The following LRRC74A variants were observed in gnomAD, a reference collection of about 807,000 sequenced individuals.
LRRC74A encodes the protein leucine-rich repeat-containing protein 74A.
Under a neutral mutation model 57.9 loss-of-function variants are expected in LRRC74A, and 44 were observed. The observed-to-expected ratio is 0.76, with a 90% CI of 0.60 to 0.98. The LOEUF (loss-of-function observed/expected upper bound fraction) is 0.98, where lower values mean the gene tolerates loss of function less well. Among genes scored for constraint, LRRC74A ranks in the 50% least tolerant of loss-of-function variants. LRRC74A has a pLI of 0.00. For synonymous variants in LRRC74A, 211 were observed against 219.4 expected (o/e 0.96, Z 0.34); for missense variants, 572 against 574.0 (o/e 1.00, Z 0.04).
chr14:76,841,559 G>GA (rs530102595), intron 5 of LRRC74A, among the ~76,000 whole-genome samples: 41 of 151,260 alleles, frequency 2.7e-4, no homozygotes, highest in South Asian at 8.3e-4. Context: ...AGAAAAAAAA[G>GA]AAAAAAAACA....
At chr14:76,856,444 G>C (rs1238404129) in intron 9 of LRRC74A, among the ~76,000 whole-genome samples, 1 of 152,258 alleles carries the variant, frequency 6.6e-6, no homozygotes, top group South Asian at 2.1e-4. Flanking sequence ...ATGTCTGCCT[G>C]TGTGTCCCTC....
chr14:76,865,607 G>T (rs762586307), intron 11 of LRRC74A, among the ~76,000 whole-genome samples: 2 of 152,228 alleles, frequency 1.3e-5, no homozygotes, highest in Non-Finnish European at 2.9e-5. Context: ...TGCGTTTGTA[G>T]ATAATGATCA....
intron 3 of LRRC74A, among the ~76,000 whole-genome samples, chr14:76,833,615 G>A (rs769530756): frequency 4.6e-4 from 70 of 151,440 alleles, no homozygotes; most frequent in Non-Finnish European, 9.3e-4. Context: ...CTAATTTTTC[G>A]TATTTTTAGT....
At chr14:76,847,913 C>T (rs1337937993) in intron 7 of LRRC74A, among the ~76,000 whole-genome samples, 3 of 152,062 alleles carry the variant, frequency 2.0e-5, no homozygotes, top group African/African-American at 7.2e-5. Context: ...GTGTCTCACA[C>T]CTGTAATCCC....
Position 76,853,391 on chromosome 14 carries a change from A to T in LRRC74A, c.938A>T (p.Glu313Val). Residue 313 changes from glutamate to valine, a missense_variant, in exon 9 of 14, where the codon GAA becomes GTA. Glu to Val is a moderately radical substitution (Grantham distance 121). Coordinates refer to ENST00000689127, the MANE Select transcript of LRRC74A (RefSeq NM_001385106.1). ...SKISKGLESN[E>V]SLRVLKLFLN... ...ATCAGCAAAGGACTGGAATCCAATGAAAGCCTCAGAGTTCTGAAGGTAGTC... is the reference window on the plus strand; with the variant it reads ...ATCAGCAAAGGACTGGAATCCAATGTAAGCCTCAGAGTTCTGAAGGTAGTC... 1.2e-6 allele frequency: 2 copies of T among 1,609,614 alleles called. No individual in the cohort carries two copies. Among genetic ancestry groups the T allele is most frequent in the Non-Finnish European group, 1.7e-6 (2 of 1,178,316 alleles).
chr14:76,827,744 T>C (rs1420485123), intron 1 of LRRC74A, among the ~76,000 whole-genome samples: 1 of 152,206 alleles, frequency 6.6e-6, no homozygotes, highest in Non-Finnish European at 1.5e-5. Flanking sequence ...AATGTTAGAT[T>C]GGAAGGAAGA....
At chr14:76,858,533 C>A (rs1284115398) in intron 10 of LRRC74A, among the ~76,000 whole-genome samples, 1 of 152,156 alleles carries the variant, frequency 6.6e-6, no homozygotes, top group Admixed American at 6.5e-5. Context: ...AGAACTCCAA[C>A]ATCTTTTTTT....
chr14:76,828,487 G>A, intron 2 of LRRC74A, 68 bp downstream of exon 2: 1 of 1,606,068 alleles, frequency 6.2e-7, no homozygotes, highest in Non-Finnish European at 8.5e-7. Context: ...CTGGTTTCCA[G>A]GAGCTGTCAT....
chr14:76,867,255 G>A (rs1434480179), intron 12 of LRRC74A, 101 bp from the exon 13 acceptor site: 10 of 406,124 alleles, frequency 2.5e-5, no homozygotes, highest in East Asian at 1.5e-4. Flanking sequence ...TGTTGGGGGG[G>A]TGGGGTGTGT....
intron 10 of LRRC74A, among the ~76,000 whole-genome samples, chr14:76,858,576 C>T (rs1402014957): frequency 6.6e-6 from 1 of 152,066 alleles, no homozygotes; most frequent in African/African-American, 2.4e-5. Flanking sequence ...ATAACAAGTG[C>T]TTTTCCTCAT....
chr14:76,852,508 C>A, intron 8 of LRRC74A, 58 bp downstream of exon 8: 2 of 1,299,582 alleles, frequency 1.5e-6, no homozygotes, highest in East Asian at 2.5e-5. Flanking sequence ...CAGGGCCTCC[C>A]ATCCTGCCAT....
intron 1 of LRRC74A, among the ~76,000 whole-genome samples, 160 bp downstream of exon 1, chr14:76,826,894 C>A (rs1895614769): frequency 6.6e-6 from 1 of 152,216 alleles, no homozygotes; most frequent in Non-Finnish European, 1.5e-5. Flanking sequence ...CCTTGGCAAA[C>A]AGGAAGAATT....
At chr14:76,844,590 A>T in intron 6 of LRRC74A, 118 bp downstream of exon 6, 2 of 1,093,416 alleles carry the variant, frequency 1.8e-6, no homozygotes, top group African/African-American at 3.1e-5. Context: ...GGGACTGGGG[A>T]GTGTTTAGAC....
At position 76,857,446 on chromosome 14, in the gene LRRC74A, A is replaced by G; in HGVS notation, c.1024A>G (p.Lys342Glu). 8 of 1,585,472 alleles carry G rather than the reference A, an allele frequency of 5.0e-6. No individual in the cohort carries two copies. Among genetic ancestry groups the G allele is most frequent in the Non-Finnish European group, 4.3e-6 (5 of 1,164,394 alleles). The change falls in exon 10 of 14, where the codon AAA (lysine) becomes GAA (glutamate). Residue 342 changes from lysine to glutamate, a missense_variant. Physicochemically the swap from Lys to Glu is moderately conservative, Grantham distance 56 (BLOSUM62 1). Transcript: ENST00000689127. Reference sequence around the variant, plus strand: ...TATCCTGGCTATCAAGAGGAACCCCAAATCCAGGATGGAAGAGCTTGATAT... The same window carrying G: ...TATCCTGGCTATCAAGAGGAACCCCGAATCCAGGATGGAAGAGCTTGATAT... ...LLILAIKRNP[K>E]SRMEELDISN...
intron 5 of LRRC74A, among the ~76,000 whole-genome samples, chr14:76,841,193 T>A (rs1200038287): frequency 3.3e-5 from 5 of 152,094 alleles, no homozygotes; most frequent in Non-Finnish European, 1.5e-5. Context: ...AGGCGCCTGC[T>A]GCCATGCCCA....
intron 5 of LRRC74A, 29 bp downstream of exon 5, chr14:76,838,000 C>T (rs750887924): frequency 3.5e-5 from 48 of 1,379,058 alleles, no homozygotes; most frequent in Non-Finnish European, 4.6e-5. Context: ...AGGGAGAAGA[C>T]ACTGGGAATC....
In LRRC74A at chr14:76,844,814, C is replaced by G. The variant is rs371232936; in HGVS notation, c.595-6C>G. 5 of 1,499,312 alleles carry G rather than the reference C, an allele frequency of 3.3e-6. No individual in the cohort carries two copies. Among genetic ancestry groups the G allele is most frequent in the Non-Finnish European group, 4.6e-6 (5 of 1,076,372 alleles). The allele number at this position is 1,499,312 out of a possible 1,614,324, so 92.9% of individuals were successfully genotyped here. A position where few individuals can be genotyped will look rare whatever the true frequency, so the allele number is the denominator to read the frequency against. On this transcript the variant is annotated splice_region_variant and splice_polypyrimidine_tract_variant and intron_variant, in intron 6 of 13. Transcript: ENST00000689127. Reference sequence around the variant, plus strand: ...ATCCTTCTCTTTCCCCTGTTTGTTTCTGTAGACCAATTACCAAATTAAAAA... The same window carrying G: ...ATCCTTCTCTTTCCCCTGTTTGTTTGTGTAGACCAATTACCAAATTAAAAA...
chr14:76,869,230 A>G (rs111795125), intron 13 of LRRC74A, among the ~76,000 whole-genome samples: 32 of 152,188 alleles, frequency 2.1e-4, no homozygotes, highest in Non-Finnish European at 4.3e-4. Flanking sequence ...CACGTCCAGC[A>G]AAGTCCCCAG....
At chr14:76,851,014 A>G (rs557370379) in intron 7 of LRRC74A, among the ~76,000 whole-genome samples, 3 of 152,346 alleles carry the variant, frequency 2.0e-5, no homozygotes, top group East Asian at 1.9e-4. Flanking sequence ...GCCCTCCCCA[A>G]ATAAAAACAA....
Sources: gnomAD v4.1 joint callset for allele counts (sites outside exome capture counted in the v4.1 genomes callset) on GRCh38, gnomAD v4.1.1 for gene constraint, MANE v1.5 for transcripts, NCBI Gene and HGNC (gene_info 2026-07-23, HGNC 2026-07-21) for gene names.